Variants in CDH23 observed in about 807,000 individuals in gnomAD.
CDH23 encodes cadherin-23.
Under a neutral mutation model 317.1 loss-of-function variants are expected in CDH23, and 189 were observed. That is an observed-to-expected ratio of 0.60 (90% CI 0.53 to 0.67). The LOEUF (loss-of-function observed/expected upper bound fraction) is 0.67. CDH23 is among the 30% of genes least tolerant of loss of function. The pLI is 0.00. For synonymous variants in CDH23, 1,839 were observed against 1,876.8 expected (o/e 0.98, Z 0.52); for missense variants, 4,401 against 4,592.4 (o/e 0.96, Z 1.20).
intron 3 of CDH23, among the ~76,000 whole-genome samples, chr10:71,461,623 T>C (rs920517287): frequency 2.6e-5 from 4 of 152,220 alleles, no homozygotes; most frequent in African/African-American, 7.2e-5. Flanking sequence ...TACATCTCCA[T>C]GCACGGTCCA....
chr10:71,718,030 T>TC (rs1173385454), intron 28 of CDH23: 2 of 152,214 alleles, frequency 1.3e-5, no homozygotes. Flanking sequence ...GGACAAGCAA[T>TC]CCCAGGGGGT....
intron 3 of CDH23, among the ~76,000 whole-genome samples, chr10:71,461,275 T>C (rs1850969768): frequency 6.6e-6 from 1 of 152,264 alleles, no homozygotes; most frequent in Non-Finnish European, 1.5e-5. Flanking sequence ...TGCACCACAC[T>C]GACAGTGGGC....
chr10:71,484,051 C>T (rs369118558), intron 3 of CDH23, among the ~76,000 whole-genome samples: 2 of 152,204 alleles, frequency 1.3e-5, no homozygotes, highest in Non-Finnish European at 1.5e-5. Context: ...ACACCTCCCA[C>T]GGCCACAGCG....
chr10:71,763,299 C>T (rs114324993), intron 38 of CDH23, among the ~76,000 whole-genome samples: 121 of 152,362 alleles, frequency 7.9e-4, no homozygotes, highest in African/African-American at 2.6e-3. Context: ...TGACCCACTA[C>T]GCCCGGCCAG....
At position 71,810,461 on chromosome 10, in the gene CDH23, TTC is replaced by T. The variant is rs766568961; in HGVS notation, c.8980-8_8980-7del. On this transcript the variant is annotated splice_polypyrimidine_tract_variant and intron_variant, in intron 61 of 69. Coordinates refer to ENST00000224721, the MANE Select transcript of CDH23 (RefSeq NM_022124.6). ...TGGTGGCCACACCCTACAATACCCC[TTC>T]TCATCTAGTTCCATGTGGACAAGAA... The T allele has an allele frequency of 6.2e-7, 1 of 1,613,654 alleles. No homozygotes were observed. Among genetic ancestry groups the T allele is most frequent in the Non-Finnish European group, 8.5e-7 (1 of 1,179,596 alleles).
chr10:71,799,688 G>T, intron 52 of CDH23, 59 bp downstream of exon 52: 1 of 1,610,034 alleles, frequency 6.2e-7, no homozygotes, highest in South Asian at 1.1e-5. Flanking sequence ...GTCAGAGACT[G>T]AGCAGCCACC....
At chr10:71,569,047 C>T (rs998186885) in intron 7 of CDH23, among the ~76,000 whole-genome samples, 1 of 152,214 alleles carries the variant, frequency 6.6e-6, no homozygotes, top group Non-Finnish European at 1.5e-5. Context: ...TGAGCTTCCC[C>T]GCTCCAGCCC....
intron 3 of CDH23, among the ~76,000 whole-genome samples, chr10:71,503,971 T>G (rs1186737419): frequency 6.6e-6 from 1 of 151,700 alleles, no homozygotes; most frequent in Non-Finnish European, 1.5e-5. Flanking sequence ...GCCTGTGAGA[T>G]TCAGTGATGG....
In CDH23 at chr10:71,675,195, C is replaced by T. The variant is rs377246056; in HGVS notation, c.1514+19C>T. 1.6e-5 allele frequency: 25 copies of T among 1,605,664 alleles called. No individual in the cohort carries two copies. The highest frequency in any genetic ancestry group is 2.0e-5 in the Non-Finnish European group (24 of 1,172,528). ...CTGACAGGTGAGACTCTGCCCACAG[C>T]CCCTCAGGCCCCTCCGCAGTGGTCC... On this transcript the variant is annotated intron_variant, in intron 15 of 69. Coordinates refer to ENST00000224721, the MANE Select transcript of CDH23 (RefSeq NM_022124.6).
rs547310110 is a variant in CDH23, at chr10:71,561,991, C to T, written c.430-4751C>T. Among the ~76,000 whole-genome samples the T allele has an allele frequency of 7.5e-4, 114 of 152,212 alleles. 1 individual carries two copies. The highest frequency in any genetic ancestry group is 2.6e-3 in the Admixed American group (39 of 15,292). On this transcript the variant is annotated intron_variant, in intron 6 of 69. Coordinates refer to ENST00000224721, the MANE Select transcript of CDH23 (RefSeq NM_022124.6). ...GCTCCTTTCCAGCAAGAAGCTGGAC[C>T]CAGGGCGAGTGTCCACAATGGAGGT...
chr10:71,542,939 G>A (rs950938582), intron 6 of CDH23, among the ~76,000 whole-genome samples: 1 of 152,210 alleles, frequency 6.6e-6, no homozygotes, highest in Non-Finnish European at 1.5e-5. Context: ...TGGGCCCCTG[G>A]TTTTGAAGTG....
intron 19 of CDH23, among the ~76,000 whole-genome samples, chr10:71,688,761 C>T (rs1256202991): frequency 3.0e-4 from 17 of 56,368 alleles, no homozygotes; most frequent in South Asian, 6.8e-4. Context: ...GGTGGTGGAG[C>T]CAGGGATGGT....
chr10:71,540,213 T>G (rs1422250763), intron 6 of CDH23, among the ~76,000 whole-genome samples: 1 of 151,958 alleles, frequency 6.6e-6, no homozygotes, highest in African/African-American at 2.4e-5. Flanking sequence ...CAGACCAGAG[T>G]GCACAATCCT....
intron 41 of CDH23, among the ~76,000 whole-genome samples, chr10:71,781,322 G>T (rs1840948480): frequency 1.3e-5 from 2 of 152,210 alleles, no homozygotes. Flanking sequence ...TACCCTTTCG[G>T]ATCCCAAAGT....
intron 11 of CDH23, among the ~76,000 whole-genome samples, chr10:71,629,686 C>T (rs997219427): frequency 7.9e-5 from 12 of 152,220 alleles, no homozygotes; most frequent in Admixed American, 6.5e-4. Flanking sequence ...GAATGAAGCA[C>T]TGAGCTGCTA....
chr10:71,481,505 G>T (rs1233876591), intron 3 of CDH23, among the ~76,000 whole-genome samples: 1 of 152,192 alleles, frequency 6.6e-6, no homozygotes, highest in Admixed American at 6.5e-5. Flanking sequence ...CAGGGTGCAC[G>T]TGAGATAAGA....
intron 24 of CDH23, among the ~76,000 whole-genome samples, chr10:71,703,560 G>T (rs981621130): frequency 6.6e-6 from 1 of 152,240 alleles, no homozygotes; most frequent in African/African-American, 2.4e-5. Flanking sequence ...ATCACTGTGT[G>T]TCGGTCACGA....
intron 18 of CDH23, among the ~76,000 whole-genome samples, chr10:71,687,237 A>G (rs1864943372): frequency 6.6e-6 from 1 of 152,180 alleles, no homozygotes; most frequent in South Asian, 2.1e-4. Context: ...TTTTGTCATC[A>G]TCCTGGTGGA....
At chr10:71,417,077 C>CTT (rs746799140) in intron 1 of CDH23, among the ~76,000 whole-genome samples, 1 of 88,694 alleles carries the variant, frequency 1.1e-5, no homozygotes, top group Non-Finnish European at 2.5e-5. Context: ...CTTTTCTTTT[C>CTT]TTTTTTTTTT....
Sources: gnomAD v4.1 joint callset for allele counts (sites outside exome capture counted in the v4.1 genomes callset) on GRCh38, gnomAD v4.1.1 for gene constraint, MANE v1.5 for transcripts, NCBI Gene and HGNC (gene_info 2026-07-23, HGNC 2026-07-21) for gene names.